CACNA2D3: variants seen among roughly 807,000 people sequenced by gnomAD.
CACNA2D3 encodes the protein voltage-dependent calcium channel subunit alpha-2/delta-3.
A neutral mutation model predicts 160.6 loss-of-function variants in CACNA2D3; 60 were observed. The ratio of observed to expected loss-of-function variants is 0.37; its 90% CI spans 0.30 to 0.46. CACNA2D3 has a LOEUF of 0.46. CACNA2D3 is among the 20% of genes least tolerant of loss of function. CACNA2D3 has a pLI of 1.00. For synonymous variants in CACNA2D3, 558 were observed against 492.9 expected (o/e 1.13, Z -1.75); for missense variants, 1,205 against 1,365.0 (o/e 0.88, Z 1.85).
chr3:54,581,726 C>A, intron 8 of CACNA2D3, 77 bp from the exon 9 acceptor site: 2 of 1,177,628 alleles, frequency 1.7e-6, no homozygotes, highest in Non-Finnish European at 2.5e-6. Flanking sequence ...TGTTTGTGTG[C>A]GTACCTCCTT....
At chr3:55,033,265 C>G (rs1297805410) in intron 35 of CACNA2D3, among the ~76,000 whole-genome samples, 2 of 152,060 alleles carry the variant, frequency 1.3e-5, no homozygotes, top group Admixed American at 6.6e-5. Flanking sequence ...TATTAACTAA[C>G]AAAATACATA....
chr3:54,127,803 C>G (rs1699625270), intron 2 of CACNA2D3, among the ~76,000 whole-genome samples: 1 of 152,200 alleles, frequency 6.6e-6, no homozygotes, highest in Admixed American at 6.5e-5. Flanking sequence ...CAGAGCAGGG[C>G]AAACCAATGA....
At chr3:54,921,056 C>T (rs1211210220) in intron 27 of CACNA2D3, among the ~76,000 whole-genome samples, 2 of 152,182 alleles carry the variant, frequency 1.3e-5, no homozygotes, top group Non-Finnish European at 2.9e-5. Flanking sequence ...TTTCATGGGC[C>T]ATGACCCCCT....
chr3:54,760,240 CTGA>C, intron 12 of CACNA2D3, among the ~76,000 whole-genome samples: 1 of 150 alleles, frequency 6.7e-3, no homozygotes, highest in Non-Finnish European at 0.014. Flanking sequence ...GAGGGCCTCT[CTGA>C]TCTGAGCTGA....
In CACNA2D3 at chr3:54,669,919, G is replaced by A. The variant is rs528407408; in HGVS notation, c.1167+27678G>A. Among the ~76,000 whole-genome samples the A allele has an allele frequency of 3.3e-5, 5 of 152,214 alleles. No homozygotes were observed. The South Asian group carries it at 1.0e-3, about 32-fold the overall frequency. On this transcript the variant is annotated intron_variant, in intron 11 of 37. Coordinates refer to ENST00000474759, the MANE Select transcript of CACNA2D3 (RefSeq NM_018398.3). ...CCTCCTCAGCCTCCCAAAGTGCTGG[G>A]ATGACAGGCATGAGCCACTGCACCC... is the stretch of plus-strand genomic sequence containing the variant.
intron 4 of CACNA2D3, among the ~76,000 whole-genome samples, chr3:54,408,817 T>G (rs1039286841): frequency 6.6e-6 from 1 of 152,250 alleles, no homozygotes; most frequent in Non-Finnish European, 1.5e-5. Context: ...TTTTTTCACA[T>G]AAGTGTCCAT....
intron 11 of CACNA2D3, among the ~76,000 whole-genome samples, chr3:54,732,952 C>T (rs72872281): frequency 0.036 from 5,508 of 152,304 alleles, 331 homozygotes; most frequent in African/African-American, 0.13. Flanking sequence ...GTGGCTTGTA[C>T]TTGGACATCG....
intron 2 of CACNA2D3, among the ~76,000 whole-genome samples, chr3:54,295,798 A>T (rs1443856755): frequency 6.6e-6 from 1 of 152,174 alleles, no homozygotes; most frequent in Non-Finnish European, 1.5e-5. Context: ...ATTGTGAGGG[A>T]TCCGTAGCTT....
chr3:54,188,083 C>G (rs1287169275), intron 2 of CACNA2D3, among the ~76,000 whole-genome samples: 1 of 152,194 alleles, frequency 6.6e-6, no homozygotes, highest in African/African-American at 2.4e-5. Flanking sequence ...GCTCCCCCAA[C>G]CAGCTGCTCA....
At chr3:55,042,367 G>A (rs910618756) in intron 35 of CACNA2D3, among the ~76,000 whole-genome samples, 9 of 151,926 alleles carry the variant, frequency 5.9e-5, no homozygotes, top group African/African-American at 2.2e-4. Flanking sequence ...TGTCTTCTTG[G>A]TTATCTTATT....
intron 27 of CACNA2D3, among the ~76,000 whole-genome samples, chr3:54,957,444 C>A (rs1358531012): frequency 2.0e-5 from 3 of 148,496 alleles, no homozygotes; most frequent in Non-Finnish European, 2.9e-5. Context: ...CCACCACACC[C>A]AACCATAAAA....
intron 11 of CACNA2D3, among the ~76,000 whole-genome samples, chr3:54,697,347 G>C (rs56063440): frequency 0.26 from 39,847 of 152,082 alleles, 5,586 homozygotes; most frequent in African/African-American, 0.29. Context: ...TCCAGAGTCA[G>C]ACTCAGGTAT....
chr3:54,280,958 T>G (rs1702865680), intron 2 of CACNA2D3, among the ~76,000 whole-genome samples: 1 of 152,196 alleles, frequency 6.6e-6, no homozygotes, highest in African/African-American at 2.4e-5. Context: ...CTTTTTTCCT[T>G]TATGAGGCTG....
chr3:54,307,358 A>G (rs1193809087), intron 2 of CACNA2D3, among the ~76,000 whole-genome samples: 1 of 152,090 alleles, frequency 6.6e-6, no homozygotes, highest in East Asian at 1.9e-4. Flanking sequence ...TGGTGATGCA[A>G]ATTGGAAGGT....
chr3:54,656,908 G>A lies in CACNA2D3; in HGVS notation c.1167+14667G>A, dbSNP rs548441811. On this transcript the variant is annotated intron_variant, in intron 11 of 37. Coordinates refer to ENST00000474759, the MANE Select transcript of CACNA2D3 (RefSeq NM_018398.3). ...ATGTTATGATCACAGTTTCATGCGC[G>A]TCCGTGTGAAGAAACCACCAAACAG... Among the ~76,000 whole-genome samples, 32 of 152,280 alleles carry A rather than the reference G, an allele frequency of 2.1e-4. No homozygotes were observed. The South Asian group carries it at 3.9e-3, about 19-fold the overall frequency.
At chr3:54,962,308 G>GTAA (rs966548238) in intron 27 of CACNA2D3, among the ~76,000 whole-genome samples, 5 of 152,158 alleles carry the variant, frequency 3.3e-5, no homozygotes, top group African/African-American at 1.2e-4. Flanking sequence ...GCATGATTTT[G>GTAA]TAATGCATTT....
At chr3:54,849,372 T>A (rs1699007058) in intron 17 of CACNA2D3, among the ~76,000 whole-genome samples, 1 of 152,226 alleles carries the variant, frequency 6.6e-6, no homozygotes, top group Non-Finnish European at 1.5e-5. Flanking sequence ...CACTTATCCC[T>A]GCTTTCCCCC....
Position 54,871,453 on chromosome 3 carries a change from A to G in CACNA2D3, c.1627-86A>G, listed in dbSNP as rs1191992328. On this transcript the variant is annotated intron_variant, in intron 17 of 37. Coordinates refer to ENST00000474759, the MANE Select transcript of CACNA2D3 (RefSeq NM_018398.3). ...TCCACTCCCAAGCCCTGTCCATGAA[A>G]CAGGACTTGGGAAGGTAAAGATTGC... The G allele has an allele frequency of 4.0e-6, 4 of 988,896 alleles. No individual in the cohort carries two copies. In the African/African-American group the frequency reaches 6.4e-5, roughly 16 times the overall value. The allele number at this position is 988,896 out of a possible 1,614,324, so 61.3% of individuals were successfully genotyped here.
chr3:55,073,378 A>G (rs1575463307), intron 35 of CACNA2D3, 67 bp from the exon 36 acceptor site: 1 of 1,179,724 alleles, frequency 8.5e-7, no homozygotes, highest in Non-Finnish European at 1.3e-6. Flanking sequence ...CCAGGAGAGA[A>G]GTCTTCCTCA....
Sources: allele counts gnomAD v4.1 joint callset (sites outside exome capture counted in the v4.1 genomes callset), GRCh38; gene constraint gnomAD v4.1.1; transcripts MANE v1.5; gene names NCBI Gene and HGNC (gene_info 2026-07-23, HGNC 2026-07-21).